SHOX: variants seen among roughly 807,000 people sequenced by gnomAD.
SHOX encodes SHOX homeobox, also known as short stature homeobox protein.
In SHOX, 12 loss-of-function variants were observed where a neutral mutation model predicts 29.6. That is an observed-to-expected ratio of 0.41 (90% CI 0.26 to 0.66). The LOEUF (loss-of-function observed/expected upper bound fraction) is 0.66. SHOX is among the 30% of genes least tolerant of loss of function. The probability of loss-of-function intolerance (pLI) is 0.35; values close to 1 mark genes in which losing one functional copy is unlikely to be tolerated. For synonymous variants in SHOX, 214 were observed against 200.6 expected, an observed-to-expected ratio of 1.07 and a Z score of -0.57; for missense variants, 499 against 437.7, an observed-to-expected ratio of 1.14 and a Z score of -1.25.
chrX:652,026 G>A (rs1430793206), downstream of SHOX, among the ~76,000 whole-genome samples: 5 of 152,062 alleles, frequency 3.3e-5, no homozygotes, highest in East Asian at 1.9e-4. Flanking sequence ...GGGTTCAAGC[G>A]ACTCTCCTGC....
intron 5 of SHOX, among the ~76,000 whole-genome samples, chrX:658,211 G>A (rs2053174073): frequency 6.6e-6 from 1 of 151,958 alleles, no homozygotes; most frequent in Admixed American, 6.6e-5. Context: ...CTGACCTCAG[G>A]TGATCCGCCT....
chrX:627,125 C>A (rs2052552653), upstream of SHOX, among the ~76,000 whole-genome samples: 1 of 152,100 alleles, frequency 6.6e-6, no homozygotes, highest in African/African-American at 2.4e-5. Context: ...CAACAAGCAC[C>A]CCCTTGTACA....
At chrX:634,931 T>C in intron 2 of SHOX, 105 bp downstream of exon 2, 1 of 1,247,040 alleles carries the variant, frequency 8.0e-7, no homozygotes. Context: ...GCCGTCCCCT[T>C]CCCGGAGCGC....
intron 1 of SHOX, among the ~76,000 whole-genome samples, chrX:625,226 T>C (rs1169363020): frequency 1.6e-5 from 2 of 122,644 alleles, no homozygotes; most frequent in African/African-American, 3.1e-5. Flanking sequence ...CTCCTCCTTC[T>C]CCCTCCTCCT....
At chrX:625,185 G>A (rs765206539) in intron 1 of SHOX, among the ~76,000 whole-genome samples, 2 of 88,118 alleles carry the variant, frequency 2.3e-5, no homozygotes, top group South Asian at 4.2e-4. Flanking sequence ...CCCCTTCATC[G>A]TCCCTCCTCC....
chrX:634,973 C>G, intron 2 of SHOX, 147 bp downstream of exon 2: 1 of 788,826 alleles, frequency 1.3e-6, no homozygotes, highest in East Asian at 2.7e-5. Flanking sequence ...GGCTGGGGTT[C>G]CTGGACTTTT....
chrX:649,663 C>T lies in SHOX; in HGVS notation c.*5027C>T, dbSNP rs1485771052. 6.6e-6 allele frequency among the ~76,000 whole-genome samples: 1 copy of T among 152,118 alleles called. No individual in the cohort carries two copies. The highest frequency in any genetic ancestry group is 2.4e-5 in the African/African-American group (1 of 41,418). On this transcript the variant is annotated 3_prime_UTR_variant, in exon 5 of 5. Coordinates refer to ENST00000686671, the MANE Select transcript of SHOX (RefSeq NM_000451.4). ...CAACGTGGGCTGTGTTCCGATGTAA[C>T]GCCGTTGCAGAGAGAGGATTTGGTG...
upstream of SHOX, chrX:630,533 C>A (rs1197857335): frequency 2.2e-5 from 9 of 409,632 alleles, no homozygotes; most frequent in Non-Finnish European, 4.0e-5. Flanking sequence ...GGGGCTCGGG[C>A]GCCTGCGCCC....
intron 5 of SHOX, among the ~76,000 whole-genome samples, chrX:656,655 C>T (rs1345961587): frequency 6.6e-6 from 1 of 152,086 alleles, no homozygotes. Context: ...TCCTGGCTAA[C>T]ACGGTGAAAC....
rs746801054 is a variant in SHOX at position 640,852 on chromosome X, G to A, written c.518G>A (p.Arg173His). The A allele has an allele frequency of 1.9e-6, 3 of 1,613,866 alleles. No homozygotes were observed. The highest frequency in any genetic ancestry group is 1.7e-6 in the Non-Finnish European group (2 of 1,179,860). Residue 173 changes from arginine to histidine, a missense_variant, in exon 3 of 5, where the codon CGC becomes CAC. By Grantham distance (29) the Arg-to-His change is conservative. Transcript: ENST00000686671. ...TTCCAGAACCGGAGAGCCAAGTGCC[G>A]CAAACAAGAGAATCAGATGCATAAA... is the stretch of plus-strand genomic sequence containing the variant. ...VWFQNRRAKC[R>H]KQENQMHKGV...
downstream of SHOX, among the ~76,000 whole-genome samples, chrX:655,614 C>CTATATA (rs1173014302): frequency 6.0e-4 from 21 of 35,052 alleles, no homozygotes; most frequent in South Asian, 2.3e-3. Context: ...CTCTCTCTCT[C>CTATATA]TATATATATA....
At chrX:631,197 T>C (rs2052642467) in intron 1 of SHOX, 23 bp downstream of exon 1, 5 of 1,611,826 alleles carry the variant, frequency 3.1e-6, no homozygotes, top group Non-Finnish European at 4.2e-6. Context: ...GCGCTCCGGC[T>C]CCAGGGGGGC....
rs2053044331 is a variant in SHOX at position 650,796 on chromosome X, A to AAAAAAAAAC, written c.*6168_*6169insCAAAAAAAA. ...TTCGGTGGACACGTTTGACATTAAAAAAAAAAAAAAAAAAAAAAAAAAACT... is the reference window on the plus strand; with the variant it reads ...TTCGGTGGACACGTTTGACATTAAAAAAAAAAAACAAAAAAAAAAAAAAAAAAAAAAACT... On this transcript the variant is annotated 3_prime_UTR_variant, in exon 5 of 5. Coordinates refer to ENST00000686671, the MANE Select transcript of SHOX (RefSeq NM_000451.4). Among the ~76,000 whole-genome samples the AAAAAAAAAC allele has an allele frequency of 7.4e-6, 1 of 135,490 alleles. No individual in the cohort carries two copies. The highest frequency in any genetic ancestry group is 1.6e-5 in the Non-Finnish European group (1 of 63,176). 88.9% of individuals were successfully genotyped at this position (135,490 alleles called of 152,430 possible).
At chrX:635,641 G>T (rs1417163721) in intron 2 of SHOX, among the ~76,000 whole-genome samples, 3 of 152,184 alleles carry the variant, frequency 2.0e-5, no homozygotes, top group Non-Finnish European at 2.9e-5. Flanking sequence ...GGCACTGGGG[G>T]GCGGAGGGGC....
At chrX:630,736 T>C (rs1349503037), upstream of SHOX, 4 of 865,270 alleles carry the variant, frequency 4.6e-6, no homozygotes, top group African/African-American at 6.7e-5. Context: ...AGGCAGCGCA[T>C]GGGGGGCTGG....
intron 4 of SHOX, among the ~76,000 whole-genome samples, chrX:643,477 TG>T (rs1398076600): frequency 7.0e-5 from 8 of 114,192 alleles, no homozygotes; most frequent in Admixed American, 1.7e-4. Context: ...CCTGGTGTCC[TG>T]GGGAGAGCCT....
chrX:654,391 C>T (rs1245087079), downstream of SHOX, among the ~76,000 whole-genome samples: 1 of 151,894 alleles, frequency 6.6e-6, no homozygotes, highest in African/African-American at 2.4e-5. Flanking sequence ...CCTGCTGGTG[C>T]CTTCAAGAGA....
At chrX:633,784 G>A (rs766006907) in intron 1 of SHOX, among the ~76,000 whole-genome samples, 2 of 152,138 alleles carry the variant, frequency 1.3e-5, no homozygotes, top group African/African-American at 4.8e-5. Flanking sequence ...CTGGGTTGAA[G>A]GGGAGCGAGG....
chrX:624,866 C>CTTTCT (rs1556451637), intron 1 of SHOX, among the ~76,000 whole-genome samples: 658 of 54,778 alleles, frequency 0.012, 3 homozygotes, highest in African/African-American at 0.035. Context: ...TCTTTCTTTT[C>CTTTCT]TTTCTTTCTT....
Sources: allele counts gnomAD v4.1 joint callset (sites outside exome capture counted in the v4.1 genomes callset), GRCh38; gene constraint gnomAD v4.1.1; transcripts MANE v1.5; gene names NCBI Gene and HGNC (gene_info 2026-07-23, HGNC 2026-07-21).